Variants in ARHGAP39 observed in about 807,000 individuals in gnomAD.
ARHGAP39 encodes the protein Rho GTPase activating protein 39.
In ARHGAP39, 44 loss-of-function variants were observed where a neutral mutation model predicts 106.9. That is an observed-to-expected ratio of 0.41 (90% CI 0.32 to 0.53). The LOEUF (loss-of-function observed/expected upper bound fraction) is 0.53, where lower values mean the gene tolerates loss of function less well. Among genes scored for constraint, ARHGAP39 ranks in the 20% least tolerant of loss-of-function variants. The probability of loss-of-function intolerance (pLI) is 0.21; values close to 1 mark genes in which losing one functional copy is unlikely to be tolerated. For synonymous variants in ARHGAP39, 768 were observed against 693.2 expected (o/e 1.11, Z -1.69); for missense variants, 1,496 against 1,577.3 (o/e 0.95, Z 0.87).
chr8:144,672,545 C>A (rs573815731), intron 1 of ARHGAP39, among the ~76,000 whole-genome samples: 11 of 152,326 alleles, frequency 7.2e-5, no homozygotes, highest in African/African-American at 2.6e-4. Flanking sequence ...GTGTCCAGCA[C>A]CCTGGCTGCC....
Position 144,545,364 on chromosome 8 carries a change from G to A in ARHGAP39, c.2406C>T (p.Ala802=). 6.2e-7 allele frequency: 1 copy of A among 1,601,494 alleles called. No homozygotes were observed. The highest frequency in any genetic ancestry group is 8.5e-7 in the Non-Finnish European group (1 of 1,171,894). Reference sequence around the variant, plus strand: ...AGATGGCCATGAGCTCCCAGCCGCGGGCCAGGCTCTCCAGGCGGAAGTTCT... The same window carrying A: ...AGATGGCCATGAGCTCCCAGCCGCGAGCCAGGCTCTCCAGGCGGAAGTTCT... ...TTENFRLESL[A]RGWELMAICL... Residue 802 remains alanine, a synonymous_variant, in exon 6 of 12, where the codon GCC becomes GCT. Transcript: ENST00000377307.
chr8:144,602,148 CCT>C (rs1491582685), intron 2 of ARHGAP39, among the ~76,000 whole-genome samples: 19 of 104,196 alleles, frequency 1.8e-4, no homozygotes, highest in African/African-American at 5.7e-4. Flanking sequence ...AGCTCATGTA[CCT>C]GTGTGTGTGT....
chr8:144,601,729 G>A (rs1327153466), intron 2 of ARHGAP39, among the ~76,000 whole-genome samples: 1 of 145,716 alleles, frequency 6.9e-6, no homozygotes, highest in Admixed American at 6.9e-5. Flanking sequence ...ATGTACCTGT[G>A]TGTGTGCGTG....
intron 1 of ARHGAP39, among the ~76,000 whole-genome samples, chr8:144,608,097 C>T (rs1228372481): frequency 7.3e-6 from 1 of 136,936 alleles, no homozygotes; most frequent in Non-Finnish European, 1.5e-5. Context: ...GCTGAGGTTG[C>T]AGTGAGCCGG....
intron 4 of ARHGAP39, among the ~76,000 whole-genome samples, chr8:144,553,960 G>A (rs1016704718): frequency 7.2e-5 from 11 of 152,248 alleles, no homozygotes; most frequent in African/African-American, 2.7e-4. Flanking sequence ...ATTAGTTTAC[G>A]GCCCAGAGGT....
chr8:144,592,444 C>T (rs1819440669), intron 2 of ARHGAP39, among the ~76,000 whole-genome samples: 1 of 128,950 alleles, frequency 7.8e-6, no homozygotes, highest in African/African-American at 3.1e-5. Context: ...CAGCACTGAG[C>T]CCAGACCCTC....
chr8:144,650,594 G>A (rs1019695383), intron 1 of ARHGAP39, among the ~76,000 whole-genome samples: 5 of 152,096 alleles, frequency 3.3e-5, no homozygotes, highest in Admixed American at 2.0e-4. Context: ...TATAAGGTTG[G>A]TTCAACATAT....
At chr8:144,584,355 G>T (rs886203568) in intron 2 of ARHGAP39, 1 of 152,210 alleles carries the variant, frequency 6.6e-6, no homozygotes, top group Admixed American at 6.5e-5. Context: ...TGCCTGCACT[G>T]ATTTTTGTTT....
intron 2 of ARHGAP39, among the ~76,000 whole-genome samples, chr8:144,595,221 C>A (rs987416976): frequency 6.6e-6 from 1 of 152,150 alleles, no homozygotes; most frequent in African/African-American, 2.4e-5. Flanking sequence ...CATGAAGAAG[C>A]AAAATGTGGC....
At chr8:144,686,292 A>C (rs1822588466), upstream of ARHGAP39, among the ~76,000 whole-genome samples, 1 of 148,458 alleles carries the variant, frequency 6.7e-6, no homozygotes, top group Non-Finnish European at 1.5e-5. Flanking sequence ...GTGTCTCTTC[A>C]CCTCCTGTTA....
the ARHGAP39 span, among the ~76,000 whole-genome samples, chr8:144,698,221 CTT>C: frequency 6.6e-6 from 1 of 152,158 alleles, no homozygotes; most frequent in African/African-American, 2.4e-5. Flanking sequence ...TACCCACTCT[CTT>C]TCTTGCCTTT....
chr8:144,667,280 G>T (rs1821988356), intron 1 of ARHGAP39, among the ~76,000 whole-genome samples: 1 of 152,102 alleles, frequency 6.6e-6, no homozygotes, highest in African/African-American at 2.4e-5. Context: ...CCTCCCTCCA[G>T]CCTCTGCACT....
At chr8:144,653,456 G>A (rs1821622500) in intron 1 of ARHGAP39, among the ~76,000 whole-genome samples, 1 of 152,172 alleles carries the variant, frequency 6.6e-6, no homozygotes, top group Non-Finnish European at 1.5e-5. Context: ...CTGCCTGGGA[G>A]CTGCTGAAAT....
the ARHGAP39 span, chr8:144,698,675 T>C: frequency 8.8e-6 from 3 of 342,508 alleles, no homozygotes; most frequent in African/African-American, 6.6e-5. Context: ...GCTAGGAACC[T>C]ATCTGTTCCA....
intron 1 of ARHGAP39, among the ~76,000 whole-genome samples, chr8:144,635,315 C>T (rs2130982567): frequency 6.6e-6 from 1 of 152,312 alleles, no homozygotes; most frequent in South Asian, 2.1e-4. Context: ...GCAATCATGC[C>T]TATGTAATGA....
chr8:144,638,322 T>C (rs957064830), intron 1 of ARHGAP39, among the ~76,000 whole-genome samples: 5 of 152,236 alleles, frequency 3.3e-5, no homozygotes, highest in African/African-American at 1.2e-4. Flanking sequence ...CTATGATGTG[T>C]CTCCACATGG....
At chr8:144,603,433 G>A (rs936004451) in intron 2 of ARHGAP39, among the ~76,000 whole-genome samples, 17 of 152,132 alleles carry the variant, frequency 1.1e-4, no homozygotes, top group Non-Finnish European at 2.1e-4. Flanking sequence ...GCACACATCT[G>A]TCATCCCAGC....
chr8:144,663,054 C>G (rs1468041910), intron 1 of ARHGAP39, among the ~76,000 whole-genome samples: 1 of 148,094 alleles, frequency 6.8e-6, no homozygotes, highest in African/African-American at 2.5e-5. Flanking sequence ...CATCTTGGGT[C>G]ACTCCCCACC....
At chr8:144,574,935 A>C (rs1255333206) in intron 3 of ARHGAP39, among the ~76,000 whole-genome samples, 1 of 152,232 alleles carries the variant, frequency 6.6e-6, no homozygotes, top group Non-Finnish European at 1.5e-5. Context: ...ATCCAAGAGT[A>C]CAGTTATACA....
Sources: allele counts gnomAD v4.1 joint callset (sites outside exome capture counted in the v4.1 genomes callset), GRCh38; gene constraint gnomAD v4.1.1; transcripts MANE v1.5; gene names NCBI Gene and HGNC (gene_info 2026-07-23, HGNC 2026-07-21).